The following GGACT variants were observed in gnomAD, a reference collection of about 807,000 sequenced individuals.
The protein encoded by GGACT is gamma-glutamylaminecyclotransferase.
For synonymous variants in GGACT, 118 were observed against 115.3 expected (o/e 1.02, Z -0.15); for missense variants, 241 against 233.2 (o/e 1.03, Z -0.22).
chr13:100,557,683 A>G (rs893206034), intron 2 of GGACT, among the ~76,000 whole-genome samples: 9 of 152,206 alleles, frequency 5.9e-5, no homozygotes, highest in African/African-American at 9.6e-5. Flanking sequence ...TAGGACACAA[A>G]AAGCACAAAT....
chr13:100,572,417 T>C (rs1442766134), intron 2 of GGACT, among the ~76,000 whole-genome samples: 1 of 152,154 alleles, frequency 6.6e-6, no homozygotes, highest in Non-Finnish European at 1.5e-5. Context: ...GGGGAGTTGT[T>C]TAATGGATAT....
intron 2 of GGACT, chr13:100,533,465 G>A (rs2088446385): frequency 6.6e-6 from 1 of 152,242 alleles, no homozygotes; most frequent in Non-Finnish European, 1.5e-5. Context: ...ATTTTCTTGA[G>A]CAGTTTTCAG....
intron 1 of GGACT, among the ~76,000 whole-genome samples, chr13:100,584,631 T>C (rs1417057368): frequency 6.6e-6 from 1 of 152,180 alleles, no homozygotes; most frequent in East Asian, 1.9e-4. Context: ...AGAGTATCGT[T>C]AGATTGTAAC....
chr13:100,586,811 ATCC>A (rs1875591292), intron 1 of GGACT: 1 of 152,164 alleles, frequency 6.6e-6, no homozygotes, highest in African/African-American at 2.4e-5. Flanking sequence ...TTTTCTGTAA[ATCC>A]ATTTAAGGGG....
chr13:100,551,078 A>G (rs747332281), intron 2 of GGACT, among the ~76,000 whole-genome samples: 3 of 151,984 alleles, frequency 2.0e-5, no homozygotes, highest in Non-Finnish European at 1.5e-5. Flanking sequence ...AGATCAGGAG[A>G]TTGAGATCAT....
intron 2 of GGACT, among the ~76,000 whole-genome samples, chr13:100,560,593 T>C (rs2088751182): frequency 6.6e-6 from 1 of 152,248 alleles, no homozygotes. Context: ...AGGGCTGCGC[T>C]GGGAACGTGC....
intron 2 of GGACT, among the ~76,000 whole-genome samples, chr13:100,570,708 T>A (rs1196236344): frequency 6.6e-6 from 1 of 152,154 alleles, no homozygotes; most frequent in African/African-American, 2.4e-5. Context: ...GGCCTCATCA[T>A]CCATTCTGAA....
intron 2 of GGACT, among the ~76,000 whole-genome samples, chr13:100,578,087 G>C (rs1280686466): frequency 6.6e-6 from 1 of 152,178 alleles, no homozygotes; most frequent in Non-Finnish European, 1.5e-5. Flanking sequence ...AGTTGACTCT[G>C]AAAACCATTC....
At chr13:100,547,551 C>T (rs1419117485) in intron 2 of GGACT, among the ~76,000 whole-genome samples, 5 of 152,210 alleles carry the variant, frequency 3.3e-5, no homozygotes, top group South Asian at 2.1e-4. Flanking sequence ...TACTGTCACT[C>T]GTGTGCGTTC....
chr13:100,530,900 A>C lies in GGACT; in HGVS notation c.*1230T>G, dbSNP rs548439261. ...GGCTGCCTCACCGCCCTCATCAAGCACAGGGCCGCCACGAGCTCATCAGCT... is the reference window on the plus strand; with the variant it reads ...GGCTGCCTCACCGCCCTCATCAAGCCCAGGGCCGCCACGAGCTCATCAGCT... On this transcript the variant is annotated 3_prime_UTR_variant, in exon 3 of 3. Coordinates refer to ENST00000683975, the MANE Select transcript of GGACT (RefSeq NM_001195087.2). 6.5e-6 allele frequency: 1 copy of C among 152,820 alleles called. No homozygotes were observed. Among genetic ancestry groups the C allele is most frequent in the South Asian group, 2.1e-4 (1 of 4,832 alleles). 9.5% of individuals were successfully genotyped at this position (152,820 alleles called of 1,614,324 possible). A position where few individuals can be genotyped will look rare whatever the true frequency, so the allele number is the denominator to read the frequency against.
intron 1 of GGACT, chr13:100,586,610 T>C (rs1875583780): frequency 6.6e-6 from 1 of 152,232 alleles, no homozygotes; most frequent in African/African-American, 2.4e-5. Flanking sequence ...TCCATTCCTG[T>C]GCCTATAAAA....
chr13:100,558,903 TAAAAG>T (rs2088733502), intron 2 of GGACT, among the ~76,000 whole-genome samples: 1 of 151,880 alleles, frequency 6.6e-6, no homozygotes, highest in Non-Finnish European at 1.5e-5. Flanking sequence ...GTTAAAAAAA[TAAAAG>T]AAAAATCTCC....
intron 2 of GGACT, chr13:100,536,584 G>A (rs191997617): frequency 1.3e-4 from 19 of 146,858 alleles, no homozygotes; most frequent in African/African-American, 4.8e-4. Flanking sequence ...TCCCTTCATT[G>A]CCTCCATTTC....
chr13:100,539,632 G>C (rs987048132), intron 2 of GGACT: 2 of 471,026 alleles, frequency 4.2e-6, no homozygotes, highest in Non-Finnish European at 7.4e-6. Context: ...TTTTGGCATC[G>C]ATCTTCATCA....
chr13:100,530,428 T>G lies in GGACT; in HGVS notation c.*1702A>C, dbSNP rs1298090434. 4 of 563,598 alleles carry G rather than the reference T, an allele frequency of 7.1e-6. No individual in the cohort carries two copies. The African/African-American group carries it at 7.5e-5, about 11-fold the overall frequency. The allele number at this position is 563,598 out of a possible 1,614,324, so 34.9% of individuals were successfully genotyped here. Reference sequence around the variant, plus strand: ...AATTAAATCAATAAAACTGAGCATTTGTCTAAATATTAGTTTGCCCTTTCT... The same window carrying G: ...AATTAAATCAATAAAACTGAGCATTGGTCTAAATATTAGTTTGCCCTTTCT... On this transcript the variant is annotated 3_prime_UTR_variant, in exon 3 of 3. Coordinates refer to ENST00000683975, the MANE Select transcript of GGACT (RefSeq NM_001195087.2).
In GGACT at chr13:100,532,324, G is replaced by A; in HGVS notation, c.268C>T (p.Arg90Cys). The change falls in exon 3 of 3, where the codon CGC becomes TGC. Residue 90 changes from arginine (R) to cysteine (C), a missense_variant. By Grantham distance (180) the Arg-to-Cys change is radical. Coordinates refer to ENST00000683975, the MANE Select transcript of GGACT (RefSeq NM_001195087.2). ...AGCAGCTGTACCCGCAGCACCGTGC[G>A]CTGGTACAGGGCCGGGCAACTCTCG... ...DFESCPALYQ[R>C]TVLRVQLLED... The A allele has an allele frequency of 6.5e-7, 1 of 1,549,942 alleles. No homozygotes were observed. Among genetic ancestry groups the A allele is most frequent in the Non-Finnish European group, 8.7e-7 (1 of 1,146,208 alleles).
chr13:100,569,936 C>T (rs953608050), intron 2 of GGACT, among the ~76,000 whole-genome samples: 27 of 152,198 alleles, frequency 1.8e-4, no homozygotes, highest in African/African-American at 6.0e-4. Context: ...CCAACAAGTT[C>T]CTCGTTTCCA....
chr13:100,569,493 G>A (rs1285482229), intron 2 of GGACT, among the ~76,000 whole-genome samples: 1 of 152,218 alleles, frequency 6.6e-6, no homozygotes, highest in Admixed American at 6.5e-5. Flanking sequence ...GGAGGCAGGG[G>A]GGCACCATGT....
In GGACT at chr13:100,532,282, C is replaced by T. The variant is rs2088410780; in HGVS notation, c.310G>A (p.Gly104Ser). Residue 104 changes from glycine (G) to serine (S), a missense_variant, in exon 3 of 3, where the codon GGC becomes AGC. Gly to Ser is a moderately conservative substitution (Grantham distance 56). Transcript: ENST00000683975. ...GTGGGCGCTGGCGGCTCCTCTGCGC[C>T]CGGGGCCCGGTCCTCCAGCAGCTGT... ...RVQLLEDRAP[G>S]AEEPPAPTAV... 1 of 1,538,370 alleles carries T rather than the reference C, an allele frequency of 6.5e-7. No individual in the cohort carries two copies.
Sources: gnomAD v4.1 joint callset for allele counts (sites outside exome capture counted in the v4.1 genomes callset) on GRCh38, gnomAD v4.1.1 for gene constraint, MANE v1.5 for transcripts, NCBI Gene and HGNC (gene_info 2026-07-23, HGNC 2026-07-21) for gene names.